Variants in ILRUN observed in about 807,000 individuals in gnomAD.
ILRUN encodes inflammation and lipid regulator with UBA-like and NBR1-like domains.
In ILRUN, 3 loss-of-function variants were observed where a neutral mutation model predicts 33.8. That is an observed-to-expected ratio of 0.09 (90% CI 0.04 to 0.23). The LOEUF is 0.23. ILRUN is among the 10% of genes least tolerant of loss of function. The pLI, the probability that ILRUN is intolerant of heterozygous loss-of-function variation, is 1.00. For synonymous variants in ILRUN, 124 were observed against 138.9 expected, an observed-to-expected ratio of 0.89 and a Z score of 0.75; for missense variants, 210 against 375.1, an observed-to-expected ratio of 0.56 and a Z score of 3.64.
intron 2 of ILRUN, among the ~76,000 whole-genome samples, chr6:34,650,608 G>GTTTTAGTAGAGATGGGGT (rs1404962279): frequency 6.6e-6 from 1 of 151,550 alleles, no homozygotes; most frequent in African/African-American, 2.4e-5. Context: ...TTTTTTTGCA[G>GTTTTAGTAGAGATGGGGT]TTTTAGTAGA....
intron 3 of ILRUN, among the ~76,000 whole-genome samples, chr6:34,613,563 G>C (rs1761804847): frequency 6.6e-6 from 1 of 152,200 alleles, no homozygotes; most frequent in Non-Finnish European, 1.5e-5. Context: ...GTATACTGGG[G>C]CTGAACAAAT....
chr6:34,654,102 C>T (rs1762725435), intron 2 of ILRUN, among the ~76,000 whole-genome samples: 1 of 148,040 alleles, frequency 6.8e-6, no homozygotes, highest in Non-Finnish European at 1.5e-5. Context: ...CCCTATTTTT[C>T]AAAGTGGTAT....
intron 3 of ILRUN, among the ~76,000 whole-genome samples, chr6:34,610,222 T>C (rs1477628244): frequency 6.6e-6 from 1 of 151,612 alleles, no homozygotes; most frequent in Non-Finnish European, 1.5e-5. Flanking sequence ...CCATGTAAAC[T>C]AGCAACATAA....
chr6:34,651,961 T>C (rs1228712390), intron 2 of ILRUN, among the ~76,000 whole-genome samples: 2 of 151,858 alleles, frequency 1.3e-5, no homozygotes, highest in Non-Finnish European at 2.9e-5. Context: ...CCCAGCTAAT[T>C]TTTTGTATTT....
At chr6:34,608,643 CAGGAA>C (rs1436744825) in intron 3 of ILRUN, among the ~76,000 whole-genome samples, 3 of 152,132 alleles carry the variant, frequency 2.0e-5, no homozygotes, top group Non-Finnish European at 4.4e-5. Context: ...CACTAGGTAA[CAGGAA>C]TTTTTCAGCT....
chr6:34,683,403 T>TAC (rs1763416967), intron 1 of ILRUN, among the ~76,000 whole-genome samples: 1 of 126,546 alleles, frequency 7.9e-6, no homozygotes, highest in Non-Finnish European at 1.6e-5. Flanking sequence ...TATGCACATA[T>TAC]ATACATATAT....
At chr6:34,608,008 G>A (rs990283978) in intron 3 of ILRUN, among the ~76,000 whole-genome samples, 89 of 151,796 alleles carry the variant, frequency 5.9e-4, no homozygotes, top group African/African-American at 2.2e-3. Context: ...TGGGAGGATC[G>A]CTTGAGCCCA....
Position 34,646,913 on chromosome 6 carries a change from C to A in ILRUN, c.314-115G>T, listed in dbSNP as rs377631537. ...CTTTTTCTCACATACATACATAAAC[C>A]TAACCACATATACCTAAGCCATATA... On this transcript the variant is annotated intron_variant, in intron 2 of 4. Transcript: ENST00000374023. This position sits in a 1 kb window ranked among gnomAD's most constrained non-coding sequence, Gnocchi z 4.9. The A allele has an allele frequency of 9.8e-5, 86 of 876,480 alleles. No homozygotes were observed. In the African/African-American group the frequency reaches 1.3e-3, roughly 14 times the overall value. 54.3% of individuals were successfully genotyped at this position (876,480 alleles called of 1,614,324 possible). A position where few individuals can be genotyped will look rare whatever the true frequency, so the allele number is the denominator to read the frequency against.
chr6:34,632,967 G>GTT (rs1762278882), intron 3 of ILRUN, among the ~76,000 whole-genome samples: 1 of 152,180 alleles, frequency 6.6e-6, no homozygotes, highest in African/African-American at 2.4e-5. Flanking sequence ...TATATTAAAT[G>GTT]TGAATAGTCT....
At chr6:34,684,035 G>A (rs543325028) in intron 1 of ILRUN, among the ~76,000 whole-genome samples, 2 of 151,886 alleles carry the variant, frequency 1.3e-5, no homozygotes, top group South Asian at 2.1e-4. Context: ...CAGTGATCCC[G>A]CCAATGCACT....
chr6:34,664,378 C>T (rs1018371606), intron 1 of ILRUN, among the ~76,000 whole-genome samples: 4 of 151,970 alleles, frequency 2.6e-5, no homozygotes, highest in African/African-American at 9.7e-5. Context: ...GTTATGTTGC[C>T]CAGGCTGGTC....
In ILRUN at chr6:34,686,195, C is replaced by T. The variant is rs569935188; in HGVS notation, c.158+10251G>A. On this transcript the variant is annotated intron_variant, in intron 1 of 4. Coordinates refer to ENST00000374023, the MANE Select transcript of ILRUN (RefSeq NM_024294.4). Reference sequence around the variant, plus strand: ...ATATACCCAATAAGGATTTCATATCCAGAATATATAAAGACTTCTTACAGG... The same window carrying T: ...ATATACCCAATAAGGATTTCATATCTAGAATATATAAAGACTTCTTACAGG... Among the ~76,000 whole-genome samples, 3 of 152,120 alleles carry T rather than the reference C, an allele frequency of 2.0e-5. No individual in the cohort carries two copies. The South Asian group carries it at 6.2e-4, about 32-fold the overall frequency.
chr6:34,628,701 G>A (rs1290269194), intron 3 of ILRUN, among the ~76,000 whole-genome samples: 2 of 152,130 alleles, frequency 1.3e-5, no homozygotes, highest in African/African-American at 2.4e-5. Context: ...CTAAGTTCAT[G>A]AGAAATAGTT....
chr6:34,672,213 C>T (rs151229026), intron 1 of ILRUN, among the ~76,000 whole-genome samples: 1 of 152,212 alleles, frequency 6.6e-6, no homozygotes, highest in African/African-American at 2.4e-5. Context: ...CCTGCCTCAG[C>T]CTCCCGAGAA....
At chr6:34,611,575 T>C (rs1761755381) in intron 3 of ILRUN, among the ~76,000 whole-genome samples, 1 of 152,136 alleles carries the variant, frequency 6.6e-6, no homozygotes, top group African/African-American at 2.4e-5. Context: ...AATGAAAAAG[T>C]AAAGAAAAGG....
chr6:34,625,475 G>A (rs1438435298), intron 3 of ILRUN, among the ~76,000 whole-genome samples: 4 of 152,220 alleles, frequency 2.6e-5, no homozygotes, highest in Non-Finnish European at 4.4e-5. Context: ...GTGCAGAGTA[G>A]ACACATGTTC....
At chr6:34,682,589 TCAGCCTCCCAAGTAGCTGGGACTA>T (rs1304730711) in intron 1 of ILRUN, among the ~76,000 whole-genome samples, 1 of 151,962 alleles carries the variant, frequency 6.6e-6, no homozygotes, top group African/African-American at 2.4e-5. Flanking sequence ...TCCTCTCATC[TCAGCCTCCCAAGTAGCTGGGACTA>T]CAAGTGCACG....
At chr6:34,663,400 G>GT (rs1255155158) in intron 1 of ILRUN, among the ~76,000 whole-genome samples, 1 of 152,156 alleles carries the variant, frequency 6.6e-6, no homozygotes, top group Non-Finnish European at 1.5e-5. Flanking sequence ...CCCAGCCTGG[G>GT]TGACAGAATG....
intron 3 of ILRUN, among the ~76,000 whole-genome samples, chr6:34,632,140 C>A (rs539770567): frequency 2.0e-5 from 3 of 152,174 alleles, no homozygotes; most frequent in Admixed American, 2.0e-4. Context: ...TGTGGAAATG[C>A]ATACATTAAC....
Sources: gnomAD v4.1 joint callset for allele counts (sites outside exome capture counted in the v4.1 genomes callset) on GRCh38, gnomAD v4.1.1 for gene constraint, Gnocchi (gnomAD v3.1) non-coding constraint, MANE v1.5 for transcripts, NCBI Gene and HGNC (gene_info 2026-07-23, HGNC 2026-07-21) for gene names.